The following CCSER1 variants were observed in gnomAD, a reference collection of about 807,000 sequenced individuals.
CCSER1 encodes the protein coiled-coil serine rich protein 1, also known as serine-rich coiled-coil domain-containing protein 1.
In CCSER1, 41 loss-of-function variants were observed where a neutral mutation model predicts 82.0. That is an observed-to-expected ratio of 0.50 (90% CI 0.39 to 0.65). The LOEUF is 0.65. CCSER1 is among the 30% of genes least tolerant of loss of function. The probability of loss-of-function intolerance (pLI) is 0.00; values close to 1 mark genes in which losing one functional copy is unlikely to be tolerated. For synonymous variants in CCSER1, 414 were observed against 383.9 expected (o/e 1.08, Z -0.92); for missense variants, 1,119 against 1,064.2 (o/e 1.05, Z -0.72).
At chr4:91,238,025 G>A (rs1487103863) in intron 10 of CCSER1, among the ~76,000 whole-genome samples, 1 of 152,132 alleles carries the variant, frequency 6.6e-6, no homozygotes, top group Non-Finnish European at 1.5e-5. Context: ...TGAGCAGTGT[G>A]CTCTTTTGCA....
At chr4:90,286,003 T>C (rs1279129878) in intron 1 of CCSER1, among the ~76,000 whole-genome samples, 1 of 152,104 alleles carries the variant, frequency 6.6e-6, no homozygotes, top group Non-Finnish European at 1.5e-5. Context: ...TCATGATGAA[T>C]GATCTATTTA....
At chr4:90,771,356 T>C (rs1387272675) in intron 7 of CCSER1, among the ~76,000 whole-genome samples, 1 of 151,746 alleles carries the variant, frequency 6.6e-6, no homozygotes, top group Admixed American at 6.6e-5. Flanking sequence ...TAGACAATAT[T>C]ATTGAGGGAC....
chr4:91,350,459 T>G (rs1293988932), intron 10 of CCSER1, among the ~76,000 whole-genome samples: 1 of 152,152 alleles, frequency 6.6e-6, no homozygotes, highest in Admixed American at 6.5e-5. Context: ...CTTTTTAGTG[T>G]CATTTAAATG....
intron 6 of CCSER1, among the ~76,000 whole-genome samples, chr4:90,633,951 AG>A (rs905667740): frequency 6.6e-6 from 1 of 151,838 alleles, no homozygotes; most frequent in African/African-American, 2.4e-5. Flanking sequence ...TTGGGCCTTT[AG>A]AAATTCTATT....
At chr4:91,451,934 CA>C (rs1755892279) in intron 10 of CCSER1, among the ~76,000 whole-genome samples, 1 of 151,844 alleles carries the variant, frequency 6.6e-6, no homozygotes, top group Admixed American at 6.6e-5. Context: ...CAATGTGATC[CA>C]AAAAGGTACT....
intron 9 of CCSER1, among the ~76,000 whole-genome samples, chr4:91,000,614 A>T (rs1025645199): frequency 3.3e-5 from 5 of 152,124 alleles, no homozygotes; most frequent in African/African-American, 1.2e-4. Context: ...AGTGTTTTGT[A>T]GTTCTCCTTT....
At chr4:90,849,164 T>A (rs1425543108) in intron 8 of CCSER1, among the ~76,000 whole-genome samples, 1 of 152,142 alleles carries the variant, frequency 6.6e-6, no homozygotes, top group African/African-American at 2.4e-5. Context: ...TTTGGAGGGC[T>A]CAGAAGACAA....
intron 9 of CCSER1, among the ~76,000 whole-genome samples, chr4:91,030,874 G>T (rs1175154439): frequency 2.0e-5 from 3 of 151,956 alleles, no homozygotes; most frequent in Non-Finnish European, 2.9e-5. Context: ...TAGGGTTTAT[G>T]ATCACACATT....
intron 10 of CCSER1, among the ~76,000 whole-genome samples, chr4:91,505,271 T>C (rs1759425454): frequency 6.6e-6 from 1 of 152,258 alleles, no homozygotes; most frequent in South Asian, 2.1e-4. Context: ...GGAAATGATC[T>C]CATTGCTTTT....
rs145407198 is a variant in CCSER1 at position 90,710,894 on chromosome 4, C to T, written c.1933-13020C>T. On this transcript the variant is annotated intron_variant, in intron 6 of 10. Coordinates refer to ENST00000509176, the MANE Select transcript of CCSER1 (RefSeq NM_001145065.2). ...TGTCAACATGGTTTAATGGGAATAG[C>T]ATTGAATGTATAAACTACTTTTGGG... Among the ~76,000 whole-genome samples the T allele has an allele frequency of 2.7e-4, 41 of 152,094 alleles. No individual in the cohort carries two copies. In the East Asian group the frequency reaches 7.3e-3, roughly 27 times the overall value.
At chr4:90,802,142 C>T (rs76915326) in intron 7 of CCSER1, among the ~76,000 whole-genome samples, 29,396 of 151,096 alleles carry the variant, frequency 0.19, 3,549 homozygotes, top group South Asian at 0.29. Flanking sequence ...CGCTTGAACC[C>T]GGGAGGCGGA....
chr4:91,157,724 A>T (rs569099730), intron 10 of CCSER1, among the ~76,000 whole-genome samples: 1 of 151,924 alleles, frequency 6.6e-6, no homozygotes, highest in Non-Finnish European at 1.5e-5. Context: ...TGAAATGTCA[A>T]ACCTGATGCC....
intron 1 of CCSER1, among the ~76,000 whole-genome samples, chr4:90,251,339 A>G (rs1240563797): frequency 6.6e-6 from 1 of 151,876 alleles, no homozygotes; most frequent in Non-Finnish European, 1.5e-5. Context: ...TTGGATTTTT[A>G]CCAGTAGGTA....
intron 10 of CCSER1, among the ~76,000 whole-genome samples, chr4:91,503,272 G>A (rs947091324): frequency 6.6e-6 from 1 of 151,504 alleles, no homozygotes; most frequent in Non-Finnish European, 1.5e-5. Context: ...AACCCGGGAG[G>A]CGGAGCTTGC....
chr4:90,298,801 A>G (rs1457218513), intron 1 of CCSER1, among the ~76,000 whole-genome samples: 1 of 152,146 alleles, frequency 6.6e-6, no homozygotes, highest in Non-Finnish European at 1.5e-5. Context: ...CTGTTCTTGT[A>G]TCAGAGTCTG....
chr4:91,403,399 CT>C (rs1325115120), intron 10 of CCSER1, among the ~76,000 whole-genome samples: 1 of 152,042 alleles, frequency 6.6e-6, no homozygotes, highest in Non-Finnish European at 1.5e-5. Flanking sequence ...TTTCTTCTGC[CT>C]GACTGCCCTG....
At chr4:91,591,275 G>T (rs112641159) in intron 10 of CCSER1, among the ~76,000 whole-genome samples, 1,553 of 152,142 alleles carry the variant, frequency 0.01, 10 homozygotes, top group Middle Eastern at 0.021. Flanking sequence ...TATTCAGTGA[G>T]TAATAATATT....
intron 10 of CCSER1, among the ~76,000 whole-genome samples, chr4:91,376,452 A>G (rs1750420578): frequency 6.6e-6 from 1 of 152,198 alleles, no homozygotes; most frequent in African/African-American, 2.4e-5. Flanking sequence ...ATATGGTTTT[A>G]TAATCTAATA....
chr4:90,862,726 G>C (rs1217789638), intron 8 of CCSER1, among the ~76,000 whole-genome samples: 1 of 151,790 alleles, frequency 6.6e-6, no homozygotes, highest in African/African-American at 2.4e-5. Context: ...GTGTTATGTA[G>C]CTGGACTCCA....
Sources: allele counts gnomAD v4.1 joint callset (sites outside exome capture counted in the v4.1 genomes callset), GRCh38; gene constraint gnomAD v4.1.1; transcripts MANE v1.5; gene names NCBI Gene and HGNC (gene_info 2026-07-23, HGNC 2026-07-21).